Variants in PALM2AKAP2 observed in about 807,000 individuals in gnomAD.
PALM2AKAP2 encodes the protein PALM2-AKAP2 fusion protein.
In PALM2AKAP2, 37 loss-of-function variants were observed where a neutral mutation model predicts 71.5. The observed-to-expected ratio is 0.52, with a 90% CI of 0.40 to 0.68. PALM2AKAP2 has a LOEUF of 0.68. PALM2AKAP2 is among the 30% of genes least tolerant of loss of function. The pLI is 0.00. For missense variants in PALM2AKAP2, 1,224 were observed against 1,191.8 expected (o/e 1.03, Z -0.40); for synonymous variants, 468 against 478.8 (o/e 0.98, Z 0.29).
chr9:109,714,322 A>G (rs572815513), intron 1 of PALM2AKAP2, among the ~76,000 whole-genome samples: 95 of 152,312 alleles, frequency 6.2e-4, no homozygotes, highest in African/African-American at 2.1e-3. Flanking sequence ...CTGTCTCTGG[A>G]ATCCCAAACC....
intron 1 of PALM2AKAP2, among the ~76,000 whole-genome samples, chr9:109,681,199 G>C (rs1038296673): frequency 3.3e-5 from 5 of 152,052 alleles, no homozygotes; most frequent in African/African-American, 1.2e-4. Context: ...TTCTTCCACT[G>C]GTCTATGAGC....
rs1475516013 is a variant in PALM2AKAP2, at chr9:109,668,126, C to T, written c.5+27260C>T. ...TAATTTTTTGTATTTTTAGTAGAGACGGGGTTTCACCGTTTTAGCCGGGAT... is the reference window on the plus strand; with the variant it reads ...TAATTTTTTGTATTTTTAGTAGAGATGGGGTTTCACCGTTTTAGCCGGGAT... On this transcript the variant is annotated intron_variant, in intron 1 of 6. Coordinates refer to the PALM2AKAP2 transcript ENST00000374531. 8.0e-5 allele frequency among the ~76,000 whole-genome samples: 3 copies of T among 37,628 alleles called. 1 individual carries two copies. Among genetic ancestry groups the T allele is most frequent in the South Asian group, 1.1e-3 (2 of 1,852 alleles). The allele number at this position is 37,628 out of a possible 152,430, so 24.7% of individuals were successfully genotyped here. A position where few individuals can be genotyped will look rare whatever the true frequency, so the allele number is the denominator to read the frequency against.
chr9:109,704,085 AATAGATAG>A (rs1439376756), intron 1 of PALM2AKAP2, among the ~76,000 whole-genome samples: 2 of 152,128 alleles, frequency 1.3e-5, no homozygotes, highest in African/African-American at 4.8e-5. Context: ...TCTCTGAGAG[AATAGATAG>A]ATGAGTTCCT....
chr9:109,672,803 G>T (rs1827593561), intron 1 of PALM2AKAP2, among the ~76,000 whole-genome samples: 1 of 151,708 alleles, frequency 6.6e-6, no homozygotes, highest in Non-Finnish European at 1.5e-5. Context: ...GTCTGTTCAG[G>T]GATTCCATTT....
intron 7 of PALM2AKAP2, among the ~76,000 whole-genome samples, chr9:110,043,547 CT>C (rs1833541498): frequency 6.6e-6 from 1 of 151,912 alleles, no homozygotes; most frequent in Non-Finnish European, 1.5e-5. Flanking sequence ...TCATCATTCC[CT>C]TGCCAAAAAT....
exon 4 of PALM2AKAP2, chr9:110,168,722 T>G (rs561215855): frequency 2.0e-5 from 10 of 510,924 alleles, no homozygotes; most frequent in Non-Finnish European, 3.0e-5. Flanking sequence ...ACTTTTTTGG[T>G]GACTCAATCC....
At chr9:109,749,391 G>T (rs929003273) in intron 1 of PALM2AKAP2, among the ~76,000 whole-genome samples, 1 of 147,872 alleles carries the variant, frequency 6.8e-6, no homozygotes, top group Non-Finnish European at 1.5e-5. Flanking sequence ...TAGTGATCAA[G>T]AGATCTCGTT....
At chr9:110,070,002 A>AG (rs772450882) in intron 1 of PALM2AKAP2, among the ~76,000 whole-genome samples, 45 of 152,320 alleles carry the variant, frequency 3.0e-4, no homozygotes, top group Non-Finnish European at 6.0e-4. Flanking sequence ...TTGCTAAGTA[A>AG]TCGTGAGACC....
intron 1 of PALM2AKAP2, among the ~76,000 whole-genome samples, chr9:109,743,236 T>G (rs1464262295): frequency 1.1e-4 from 16 of 152,160 alleles, no homozygotes; most frequent in Non-Finnish European, 1.5e-5. Flanking sequence ...TCCTGGGAAG[T>G]GTAGTTCCAG....
intron 1 of PALM2AKAP2, among the ~76,000 whole-genome samples, chr9:109,679,962 G>C (rs1035476833): frequency 1.3e-5 from 2 of 152,096 alleles, no homozygotes; most frequent in African/African-American, 4.8e-5. Flanking sequence ...ATTCTGAATT[G>C]TTCATCTGTA....
chr9:109,685,193 A>T (rs1827791022), intron 1 of PALM2AKAP2, among the ~76,000 whole-genome samples: 1 of 152,174 alleles, frequency 6.6e-6, no homozygotes, highest in South Asian at 2.1e-4. Context: ...TTTTGTGGTG[A>T]TAGAAATGTT....
At chr9:109,773,170 C>A (rs1829297577) in intron 1 of PALM2AKAP2, among the ~76,000 whole-genome samples, 1 of 151,808 alleles carries the variant, frequency 6.6e-6, no homozygotes, top group Non-Finnish European at 1.5e-5. Context: ...GGTTCTCATT[C>A]TCTCATCCAG....
intron 1 of PALM2AKAP2, among the ~76,000 whole-genome samples, chr9:109,698,155 C>G (rs934395636): frequency 2.2e-4 from 33 of 152,206 alleles, no homozygotes; most frequent in African/African-American, 7.7e-4. Flanking sequence ...TACAAAAAAC[C>G]TTTTTGCAGC....
At chr9:109,999,808 G>T (rs1832646653) in intron 6 of PALM2AKAP2, among the ~76,000 whole-genome samples, 1 of 152,202 alleles carries the variant, frequency 6.6e-6, no homozygotes, top group Non-Finnish European at 1.5e-5. Flanking sequence ...CCAGCAGAGG[G>T]TGGAGGTGGA....
intron 6 of PALM2AKAP2, among the ~76,000 whole-genome samples, chr9:109,985,097 A>G (rs1832348045): frequency 6.6e-6 from 1 of 151,924 alleles, no homozygotes; most frequent in Non-Finnish European, 1.5e-5. Context: ...AATCACTTGA[A>G]TCAAGGAGGC....
At chr9:109,745,819 C>G (rs1286895662) in intron 1 of PALM2AKAP2, among the ~76,000 whole-genome samples, 1 of 152,152 alleles carries the variant, frequency 6.6e-6, no homozygotes, top group Non-Finnish European at 1.5e-5. Flanking sequence ...CTAGTTGTAA[C>G]CATGCAGCTT....
intron 1 of PALM2AKAP2, among the ~76,000 whole-genome samples, chr9:109,758,596 A>G (rs1564136991): frequency 4.1e-5 from 6 of 146,790 alleles, no homozygotes; most frequent in Admixed American, 2.7e-4. Flanking sequence ...ATGTATTTGT[A>G]TTATTTTTTG....
chr9:109,704,435 A>C (rs1418844674), intron 1 of PALM2AKAP2, among the ~76,000 whole-genome samples: 1 of 152,192 alleles, frequency 6.6e-6, no homozygotes, highest in Non-Finnish European at 1.5e-5. Context: ...GATCCAATTA[A>C]ATGGGGAATG....
rs938760929 is a variant in PALM2AKAP2 at position 110,083,145 on chromosome 9, A to C, written c.156+34290A>C. On this transcript the variant is annotated intron_variant, in intron 1 of 3. Coordinates refer to ENST00000374525, the Ensembl canonical transcript of PALM2AKAP2. ...AACAAGAGTGAAACTTGGTCTCAAA[A>C]AAAGCAAAAAAACAAAAAACAAAAA... Among the ~76,000 whole-genome samples, 7 of 152,206 alleles carry C rather than the reference A, an allele frequency of 4.6e-5. No individual in the cohort carries two copies. In the East Asian group the frequency reaches 9.6e-4, roughly 21 times the overall value.
Sources: gnomAD v4.1 joint callset for allele counts (sites outside exome capture counted in the v4.1 genomes callset) on GRCh38, gnomAD v4.1.1 for gene constraint, MANE v1.5 for transcripts, NCBI Gene and HGNC (gene_info 2026-07-23, HGNC 2026-07-21) for gene names.